The following KSR2 variants were observed in gnomAD, a reference collection of about 807,000 sequenced individuals.
KSR2 encodes the protein kinase suppressor of ras 2.
A neutral mutation model predicts 107.8 loss-of-function variants in KSR2; 25 were observed. The ratio of observed to expected loss-of-function variants is 0.23; its 90% confidence interval spans 0.17 to 0.32. KSR2 has a LOEUF of 0.32. Among genes scored for constraint, KSR2 ranks in the 10% least tolerant of loss-of-function variants. The pLI is 1.00. For synonymous variants in KSR2, 480 were observed against 507.0 expected, an observed-to-expected ratio of 0.95 and a Z score of 0.71; for missense variants, 887 against 1,268.9, an observed-to-expected ratio of 0.70 and a Z score of 4.57.
chr12:117,853,719 G>C (rs1286325420), intron 3 of KSR2, among the ~76,000 whole-genome samples: 3 of 152,062 alleles, frequency 2.0e-5, no homozygotes, highest in Non-Finnish European at 2.9e-5. Flanking sequence ...CTTTGGAGCA[G>C]ATTTTGTATG....
chr12:117,636,585 C>T (rs749797663), intron 5 of KSR2, among the ~76,000 whole-genome samples: 16 of 152,094 alleles, frequency 1.1e-4, no homozygotes, highest in Admixed American at 3.9e-4. Flanking sequence ...ATTCAATAAA[C>T]GCCACTAGGC....
rs113686632 is a variant in KSR2, at chr12:117,776,925, G to A, written c.473-15401C>T. On this transcript the variant is annotated intron_variant, in intron 3 of 19. Transcript: ENST00000339824. The stretch of plus-strand genomic sequence containing the variant: ...TGGCAATTGTGTTCTCTTCCATAAA[G>A]TCACTGCAAATACTGAATTGGCAAA... Among the ~76,000 whole-genome samples the A allele has an allele frequency of 3.2e-3, 481 of 151,884 alleles. 2 individuals carry two copies. The highest frequency in any genetic ancestry group is 5.7e-3 in the Non-Finnish European group (387 of 67,996).
rs1889791903 is a variant in KSR2 at position 117,779,072 on chromosome 12, T to C, written c.473-17548A>G. Among the ~76,000 whole-genome samples, 3 of 152,166 alleles carry C rather than the reference T, an allele frequency of 2.0e-5. No homozygotes were observed. In the South Asian group the frequency reaches 6.2e-4, roughly 32 times the overall value. ...CCCGGTTTCCCTCCCAATTTCCCTC[T>C]GCAAAGACAGTGCTTATGAAGCCTT... is the stretch of plus-strand genomic sequence containing the variant. On this transcript the variant is annotated intron_variant, in intron 3 of 19. Coordinates refer to ENST00000339824, the MANE Select transcript of KSR2 (RefSeq NM_173598.6).
At chr12:117,532,830 G>T (rs533915717) in intron 10 of KSR2, among the ~76,000 whole-genome samples, 1 of 152,290 alleles carries the variant, frequency 6.6e-6, no homozygotes, top group African/African-American at 2.4e-5. Flanking sequence ...AGTAAATGAA[G>T]AGGGCAGGGA....
At chr12:117,963,480 G>A (rs1428249365) in intron 1 of KSR2, among the ~76,000 whole-genome samples, 1 of 151,960 alleles carries the variant, frequency 6.6e-6, no homozygotes, top group East Asian at 1.9e-4. Flanking sequence ...GTGCATACCT[G>A]TAGTCCCAGC....
At chr12:117,472,096 A>G (rs774505503) in intron 17 of KSR2, among the ~76,000 whole-genome samples, 5 of 152,110 alleles carry the variant, frequency 3.3e-5, no homozygotes, top group Non-Finnish European at 7.3e-5. Context: ...ATAATAGGGT[A>G]GGTTTCCTGG....
At chr12:117,806,375 C>T (rs1891007074) in intron 3 of KSR2, among the ~76,000 whole-genome samples, 1 of 152,112 alleles carries the variant, frequency 6.6e-6, no homozygotes, top group Admixed American at 6.5e-5. Flanking sequence ...TCAAAGCTCC[C>T]CAGGTGACTA....
intron 16 of KSR2, among the ~76,000 whole-genome samples, chr12:117,483,689 G>A (rs983744099): frequency 6.6e-6 from 1 of 152,208 alleles, no homozygotes; most frequent in African/African-American, 2.4e-5. Flanking sequence ...GCTCTAGGGT[G>A]AGTAGTGGCT....
intron 3 of KSR2, among the ~76,000 whole-genome samples, chr12:117,795,400 C>T (rs550870967): frequency 2.0e-5 from 3 of 152,218 alleles, no homozygotes; most frequent in East Asian, 1.9e-4. Flanking sequence ...CCTTTTCACA[C>T]GGAGCTCAGC....
intron 4 of KSR2, among the ~76,000 whole-genome samples, chr12:117,726,629 G>A (rs1326761171): frequency 6.6e-6 from 1 of 152,156 alleles, no homozygotes; most frequent in Non-Finnish European, 1.5e-5. Flanking sequence ...ATGTTGTCTA[G>A]GGGACAAAAT....
intron 1 of KSR2, among the ~76,000 whole-genome samples, chr12:117,926,031 T>C (rs1895506506): frequency 6.6e-6 from 1 of 152,140 alleles, no homozygotes; most frequent in African/African-American, 2.4e-5. Context: ...ACCCTGTCTC[T>C]ACTAAAAACA....
chr12:117,566,925 A>G (rs1178984250), intron 7 of KSR2, among the ~76,000 whole-genome samples: 2 of 152,150 alleles, frequency 1.3e-5, no homozygotes, highest in Non-Finnish European at 2.9e-5. Context: ...GATTTGAACC[A>G]GATTTGGGGA....
chr12:117,481,068 A>C (rs953825230), intron 16 of KSR2, among the ~76,000 whole-genome samples: 1 of 152,104 alleles, frequency 6.6e-6, no homozygotes, highest in Non-Finnish European at 1.5e-5. Flanking sequence ...TGTCTCGAAA[A>C]AAAGAAAAAA....
intron 1 of KSR2, among the ~76,000 whole-genome samples, chr12:117,924,913 G>C (rs1895462980): frequency 6.6e-6 from 1 of 152,094 alleles, no homozygotes; most frequent in East Asian, 1.9e-4. Context: ...TGTGGTAGTA[G>C]CTTTCTGTAA....
At chr12:117,861,698 A>T (rs1213454121) in intron 1 of KSR2, among the ~76,000 whole-genome samples, 1 of 151,970 alleles carries the variant, frequency 6.6e-6, no homozygotes, top group Non-Finnish European at 1.5e-5. Flanking sequence ...GAGGACTCCC[A>T]ATTCTTTAGG....
intron 7 of KSR2, among the ~76,000 whole-genome samples, chr12:117,567,445 C>T (rs1878575934): frequency 6.6e-6 from 1 of 151,872 alleles, no homozygotes; most frequent in African/African-American, 2.4e-5. Flanking sequence ...CGCGCGGTCT[C>T]GTCATGAAGT....
intron 3 of KSR2, among the ~76,000 whole-genome samples, chr12:117,820,113 T>G (rs1001486469): frequency 6.6e-6 from 1 of 152,216 alleles, no homozygotes; most frequent in African/African-American, 2.4e-5. Flanking sequence ...AAAACCATTT[T>G]AATATCAAAA....
At chr12:117,785,314 T>C (rs7978314) in intron 3 of KSR2, among the ~76,000 whole-genome samples, 86,595 of 149,638 alleles carry the variant, frequency 0.58, 26,513 homozygotes, top group African/African-American at 0.78. Flanking sequence ...ACTTGGGAGG[T>C]TAAGACAGGA....
At chr12:117,947,209 G>GA (rs796600006) in intron 1 of KSR2, among the ~76,000 whole-genome samples, 5,569 of 77,570 alleles carry the variant, frequency 0.072, 191 homozygotes, top group Middle Eastern at 0.12. Context: ...AGAAAGAAAA[G>GA]AAAGAAAGAA....
Sources: allele counts gnomAD v4.1 joint callset (sites outside exome capture counted in the v4.1 genomes callset), GRCh38; gene constraint gnomAD v4.1.1; transcripts MANE v1.5; gene names NCBI Gene and HGNC (gene_info 2026-07-23, HGNC 2026-07-21).